DHRS9: variants seen among roughly 807,000 people sequenced by gnomAD.
DHRS9 encodes the protein dehydrogenase/reductase SDR family member 9.
DHRS9 carries 18 observed loss-of-function variants against 26.6 expected under a neutral mutation model. The ratio of observed to expected loss-of-function variants is 0.68; its 90% CI spans 0.47 to 1.00. DHRS9 has a LOEUF of 1.00. Among genes scored for constraint, DHRS9 ranks in the 50% least tolerant of loss-of-function variants. DHRS9 has a pLI of 0.00. For synonymous variants in DHRS9, 134 were observed against 141.1 expected (o/e 0.95, Z 0.36); for missense variants, 425 against 378.7 (o/e 1.12, Z -1.01).
At chr2:169,086,993 C>G (rs1684372679) in intron 3 of DHRS9, among the ~76,000 whole-genome samples, 2 of 152,200 alleles carry the variant, frequency 1.3e-5, no homozygotes, top group Non-Finnish European at 2.9e-5. Flanking sequence ...TATGTTTACT[C>G]AAAGCCCTGA....
At position 169,081,130 on chromosome 2, in the gene DHRS9, G is replaced by A. The variant is rs750907322; in HGVS notation, c.-59-393G>A. The A allele has an allele frequency of 6.0e-6, 6 of 998,982 alleles. No individual in the cohort carries two copies. In the East Asian group the frequency reaches 3.2e-4, roughly 54 times the overall value. 61.9% of individuals were successfully genotyped at this position (998,982 alleles called of 1,614,324 possible). On this transcript the variant is annotated intron_variant, in intron 1 of 4. Coordinates refer to ENST00000674881, the MANE Select transcript of DHRS9 (RefSeq NM_001376924.1). ...ATAGATTTTAAGCCCATTCTGCAGTGGAATTTCATGAACTAGCAAGAGGTA... is the reference window on the plus strand; with the variant it reads ...ATAGATTTTAAGCCCATTCTGCAGTAGAATTTCATGAACTAGCAAGAGGTA...
At chr2:169,083,880 G>C (rs1001244226) in intron 3 of DHRS9, among the ~76,000 whole-genome samples, 3 of 151,954 alleles carry the variant, frequency 2.0e-5, no homozygotes, top group African/African-American at 7.3e-5. Context: ...TTAAATCTGT[G>C]ATAAATTGTT....
In DHRS9 at chr2:169,083,337, G is replaced by C. The variant is rs566331511; in HGVS notation, c.322G>C (p.Gly108Arg). 6.2e-7 allele frequency: 1 copy of C among 1,613,926 alleles called. No homozygotes were observed. Among genetic ancestry groups the C allele is most frequent in the African/African-American group, 1.3e-5 (1 of 75,004 alleles). The change falls in exon 3 of 5, where the codon GGT becomes CGT. Residue 108 changes from glycine (G) to arginine (R), a missense_variant. By Grantham distance (125) the Gly-to-Arg change is moderately radical (BLOSUM62 -2). Coordinates refer to ENST00000674881, the MANE Select transcript of DHRS9 (RefSeq NM_001376924.1). ...KNQVGEKGLWGLINNAGVPGV... is the reference protein window; with the variant it reads ...KNQVGEKGLWRLINNAGVPGV... ...CTTCCTCTCTGTTCTAGGTCTCTGG[G>C]GTCTGATCAATAATGCTGGTGTTCC...
intron 3 of DHRS9, among the ~76,000 whole-genome samples, chr2:169,086,024 T>C (rs947581680): frequency 1.3e-5 from 2 of 152,188 alleles, no homozygotes; most frequent in Non-Finnish European, 2.9e-5. Context: ...TACTTGGATA[T>C]TGGTGTCTTC....
intron 1 of DHRS9, among the ~76,000 whole-genome samples, chr2:169,071,081 A>G (rs986163210): frequency 6.6e-6 from 1 of 152,056 alleles, no homozygotes. Context: ...AAAAACAACA[A>G]CAACAAAAAA....
chr2:169,075,627 C>A (rs1683941368), intron 1 of DHRS9, among the ~76,000 whole-genome samples: 1 of 152,080 alleles, frequency 6.6e-6, no homozygotes. Flanking sequence ...GATCCAGGAT[C>A]ACATATTGCA....
At chr2:169,087,453 G>C (rs1472929892) in intron 3 of DHRS9, among the ~76,000 whole-genome samples, 2 of 152,152 alleles carry the variant, frequency 1.3e-5, no homozygotes, top group African/African-American at 2.4e-5. Context: ...GAGACGCTAA[G>C]TGCCCACTTG....
chr2:169,079,143 G>C (rs993555153), intron 1 of DHRS9, among the ~76,000 whole-genome samples: 1 of 151,878 alleles, frequency 6.6e-6, no homozygotes, highest in East Asian at 1.9e-4. Context: ...CACCAGGCCC[G>C]GCTGAACTGA....
intron 1 of DHRS9, among the ~76,000 whole-genome samples, chr2:169,079,472 T>G (rs1437364104): frequency 1.3e-5 from 2 of 152,124 alleles, no homozygotes; most frequent in Non-Finnish European, 2.9e-5. Flanking sequence ...CTATGTTTTT[T>G]CTTGAGGATA....
chr2:169,095,421 G>A lies in DHRS9; in HGVS notation c.737-123G>A, dbSNP rs80286151. The A allele has an allele frequency of 4.1e-3, 3,174 of 769,510 alleles. 71 individuals carry two copies. In the African/African-American group the frequency reaches 0.05, roughly 12 times the overall value. 47.7% of individuals were successfully genotyped at this position (769,510 alleles called of 1,614,324 possible). ...AATAGATAGTAAATCCTCAAAATGA[G>A]CCTCAATTATAATGGACAATTCAGA... is the stretch of plus-strand genomic sequence containing the variant. On this transcript the variant is annotated intron_variant, in intron 4 of 4. Coordinates refer to ENST00000674881, the MANE Select transcript of DHRS9 (RefSeq NM_001376924.1).
intron 3 of DHRS9, among the ~76,000 whole-genome samples, chr2:169,089,547 ATTTAT>A (rs1684456215): frequency 6.6e-6 from 1 of 152,228 alleles, no homozygotes; most frequent in East Asian, 1.9e-4. Context: ...TGATTCATCC[ATTTAT>A]TTATTTGACT....
At chr2:169,076,098 G>A (rs749892326) in intron 1 of DHRS9, among the ~76,000 whole-genome samples, 7 of 152,026 alleles carry the variant, frequency 4.6e-5, no homozygotes, top group South Asian at 4.1e-4. Context: ...TCCATCATTC[G>A]TCTGACACTT....
At chr2:169,081,289 T>G (rs1174652028) in intron 1 of DHRS9, 4 of 809,976 alleles carry the variant, frequency 4.9e-6, no homozygotes, top group Non-Finnish European at 6.8e-6. Flanking sequence ...CCCCTCTCCC[T>G]CTCTTCCATT....
Position 169,095,710 on chromosome 2 carries a change from G to C in DHRS9, c.903G>C (p.Leu301Phe), listed in dbSNP as rs747706270. 8 of 1,613,894 alleles carry C rather than the reference G, an allele frequency of 5.0e-6. No homozygotes were observed. Among genetic ancestry groups the C allele is most frequent in the Non-Finnish European group, 6.8e-6 (8 of 1,179,884 alleles). ...CTCTGTCTCACATGCCAGCAGCTTTGCAAGACTTTTTATTGTTGAAACAGA... is the reference window on the plus strand; with the variant it reads ...CTCTGTCTCACATGCCAGCAGCTTTCCAAGACTTTTTATTGTTGAAACAGA... ...WIPLSHMPAA[L>F]QDFLLLKQKA... Residue 301 changes from leucine to phenylalanine, a missense_variant, in exon 5 of 5, where the codon TTG becomes TTC. Transcript: ENST00000674881.
intron 2 of DHRS9, among the ~76,000 whole-genome samples, chr2:169,082,103 T>C (rs371103339): frequency 6.6e-6 from 1 of 152,146 alleles, no homozygotes. Context: ...CAGAAGACCC[T>C]TGGGCCTAAG....
chr2:169,067,233 C>A, upstream of DHRS9: 1 of 1,535,548 alleles, frequency 6.5e-7, no homozygotes, highest in African/African-American at 1.4e-5. Context: ...TGGATATACT[C>A]CAGAAGTTGG....
At chr2:169,074,012 C>T (rs1683888269) in intron 1 of DHRS9, among the ~76,000 whole-genome samples, 7 of 152,076 alleles carry the variant, frequency 4.6e-5, no homozygotes, top group Admixed American at 1.3e-4. Context: ...GCCAGAGATG[C>T]CACTAAACAT....
chr2:169,093,965 G>GAGGA (rs1684616103), intron 4 of DHRS9, among the ~76,000 whole-genome samples: 2 of 152,192 alleles, frequency 1.3e-5, no homozygotes. Context: ...AAAAGTATGT[G>GAGGA]AGAATCATAT....
chr2:169,083,711 G>C, intron 3 of DHRS9, 124 bp downstream of exon 3: 1 of 1,150,322 alleles, frequency 8.7e-7, no homozygotes, highest in Non-Finnish European at 1.2e-6. Flanking sequence ...AATTTTTGTG[G>C]GTACATAGTA....
Sources: allele counts gnomAD v4.1 joint callset (sites outside exome capture counted in the v4.1 genomes callset), GRCh38; gene constraint gnomAD v4.1.1; transcripts MANE v1.5; gene names NCBI Gene and HGNC (gene_info 2026-07-23, HGNC 2026-07-21).